The following ADGRG1 variants were observed in gnomAD, a reference collection of about 807,000 sequenced individuals.
The protein encoded by ADGRG1 is 7-transmembrane protein with no EGF-like N-terminal domains-1.
ADGRG1 carries 53 observed loss-of-function variants against 73.5 expected under a neutral mutation model. That is an observed-to-expected ratio of 0.72 (90% CI 0.58 to 0.91). ADGRG1 has a LOEUF of 0.91. Ranked by LOEUF, ADGRG1 falls within the 40% of genes least tolerant of loss-of-function variation. The probability of loss-of-function intolerance (pLI) is 0.00; values close to 1 mark genes in which losing one functional copy is unlikely to be tolerated. For missense variants in ADGRG1, 795 were observed against 871.8 expected, an observed-to-expected ratio of 0.91 and a Z score of 1.11; for synonymous variants, 394 against 374.4, an observed-to-expected ratio of 1.05 and a Z score of -0.60.
rs2148671622 is a variant in ADGRG1 at position 57,664,425 on chromosome 16, T to C, written c.*843T>C. Reference sequence around the variant, plus strand: ...TGTCCATCTGGGCCTTTGTATGAGCTGCATTGCCCTTGCTCACCCTGACCA... The same window carrying C: ...TGTCCATCTGGGCCTTTGTATGAGCCGCATTGCCCTTGCTCACCCTGACCA... On this transcript the variant is annotated 3_prime_UTR_variant, in exon 14 of 14. Transcript: ENST00000562631. The C allele has an allele frequency of 6.6e-6, 1 of 152,492 alleles. No individual in the cohort carries two copies. The allele number at this position is 152,492 out of a possible 1,614,324, so 9.4% of individuals were successfully genotyped here. A position where few individuals can be genotyped will look rare whatever the true frequency, so the allele number is the denominator to read the frequency against.
chr16:57,629,123 G>C (rs1329905998), intron 1 of ADGRG1: 21 of 969,240 alleles, frequency 2.2e-5, no homozygotes, highest in Non-Finnish European at 2.6e-5. Context: ...TCCGTGCACG[G>C]GTGGCTGTTG....
At chr16:57,634,697 G>A (rs1054220698) in intron 1 of ADGRG1, 39 of 175,026 alleles carry the variant, frequency 2.2e-4, no homozygotes, top group African/African-American at 8.6e-4. Context: ...AGGTGTTCAA[G>A]TGTGGCAGGG....
upstream of ADGRG1, chr16:57,624,677 A>C (rs2035497459): frequency 1.0e-6 from 1 of 977,904 alleles, no homozygotes; most frequent in South Asian, 4.7e-5. Context: ...TCCCAGCCCC[A>C]CCATGTCTTC....
intron 1 of ADGRG1, chr16:57,634,278 C>T: frequency 2.0e-6 from 2 of 985,354 alleles, no homozygotes; most frequent in Non-Finnish European, 2.4e-6. Flanking sequence ...GGTCAGACAA[C>T]TGCCCAGACC....
chr16:57,659,346 G>A (rs767031480), intron 10 of ADGRG1, 67 bp from the exon 11 acceptor site: 4 of 1,610,292 alleles, frequency 2.5e-6, no homozygotes, highest in Non-Finnish European at 3.4e-6. Flanking sequence ...GCTTCCTGGA[G>A]GAGATGTGGG....
intron 1 of ADGRG1, chr16:57,629,288 C>T (rs572124770): frequency 1.5e-4 from 68 of 439,222 alleles, no homozygotes; most frequent in Non-Finnish European, 2.0e-4. Flanking sequence ...CCAAGGGGAG[C>T]GACACCTCCC....
In ADGRG1 at chr16:57,635,452, TG is replaced by T. The variant is rs549544444; in HGVS notation, c.-36+6655del. The T allele has an allele frequency of 7.3e-5, 72 of 985,336 alleles. 1 individual carries two copies. The African/African-American group carries it at 1.2e-3, about 16-fold the overall frequency. 61.0% of individuals were successfully genotyped at this position (985,336 alleles called of 1,614,324 possible). On this transcript the variant is annotated intron_variant, in intron 1 of 13. Transcript: ENST00000562631. ...AGTGCAGCACCCTTGCCAGCCATGG[TG>T]GGGGAGGACAGCCAGTGTCTCTTCA...
At position 57,637,222 on chromosome 16, in the gene ADGRG1, G is replaced by A. The variant is rs988120583; in HGVS notation, c.-36+8420G>A. ...CTCAGTTCTCTGACTTACAAAATGA[G>A]CTTCATCATTTCAGTCCCCGCCCCG... On this transcript the variant is annotated intron_variant, in intron 1 of 13. Coordinates refer to ENST00000562631, the MANE Select transcript of ADGRG1 (RefSeq NM_201525.4). 3.3e-5 allele frequency: 22 copies of A among 661,792 alleles called. No homozygotes were observed. In the South Asian group the frequency reaches 1.3e-3, roughly 40 times the overall value. 41.0% of individuals were successfully genotyped at this position (661,792 alleles called of 1,614,324 possible). A position where few individuals can be genotyped will look rare whatever the true frequency, so the allele number is the denominator to read the frequency against.
chr16:57,650,386 A>G, intron 2 of ADGRG1, 35 bp downstream of exon 2: 1 of 1,608,534 alleles, frequency 6.2e-7, no homozygotes. Flanking sequence ...GGCTGTTGGA[A>G]CTTACGTTAA....
chr16:57,636,590 C>G, intron 1 of ADGRG1: 1 of 985,042 alleles, frequency 1.0e-6, no homozygotes, highest in Non-Finnish European at 1.2e-6. Flanking sequence ...GCCTGAGTGG[C>G]ACTTTTGGGT....
At chr16:57,623,252 T>C (rs1217634518), upstream of ADGRG1, 2 of 984,702 alleles carry the variant, frequency 2.0e-6, no homozygotes. Context: ...GTGGGGTGGA[T>C]AGAGGCCAGT....
At chr16:57,629,061 A>AGT (rs140786960) in intron 1 of ADGRG1, 69,134 of 503,374 alleles carry the variant, frequency 0.14, 7,638 homozygotes, top group African/African-American at 0.27. Context: ...TGTGAGTATG[A>AGT]GTGTGAGTGT....
chr16:57,624,343 A>G (rs904348052), upstream of ADGRG1: 8 of 162,666 alleles, frequency 4.9e-5, no homozygotes, highest in Non-Finnish European at 1.0e-4. Context: ...CTCCAAAAAA[A>G]TACAAAAGTT....
rs2034825019 is a variant in ADGRG1, at chr16:57,621,560, CTG to C, written c.-154+168_-154+169del. ...AGATCAAAGCTGACCTCCAGGAACA[CTG>C]TGGCATCGAGTGAGATGATACACAG... is the stretch of plus-strand genomic sequence containing the variant. On this transcript the variant is annotated intron_variant, in intron 2 of 4. Transcript: ENST00000561833. 2 of 152,330 alleles carry C rather than the reference CTG, an allele frequency of 1.3e-5. 1 individual carries two copies. Among genetic ancestry groups the C allele is most frequent in the South Asian group, 4.1e-4 (2 of 4,836 alleles). 9.4% of individuals were successfully genotyped at this position (152,330 alleles called of 1,614,324 possible).
In ADGRG1 at chr16:57,635,807, A is replaced by G. The variant is rs764294722; in HGVS notation, c.-36+7005A>G. 62 of 985,338 alleles carry G rather than the reference A, an allele frequency of 6.3e-5. No individual in the cohort carries two copies. In the Middle Eastern group the frequency reaches 1.6e-3, roughly 25 times the overall value. 61.0% of individuals were successfully genotyped at this position (985,338 alleles called of 1,614,324 possible). On this transcript the variant is annotated intron_variant, in intron 1 of 13. Transcript: ENST00000562631. ...GAGTGCACCATGCTCCTTTGGATCC[A>G]GTTTTACGAGCTCTGTGTCCCTGGG... is the stretch of plus-strand genomic sequence containing the variant.
chr16:57,646,504 G>A, intron 1 of ADGRG1: 4 of 985,430 alleles, frequency 4.1e-6, no homozygotes, highest in Non-Finnish European at 4.8e-6. Context: ...GAAGGTCTGA[G>A]GTCAAGGGCG....
intron 1 of ADGRG1, chr16:57,646,419 T>C (rs1342026992): frequency 1.0e-6 from 1 of 985,466 alleles, no homozygotes; most frequent in East Asian, 1.1e-4. Context: ...CTCTGCTGGA[T>C]CCTTGGGGAA....
chr16:57,647,403 C>A (rs1488082393), intron 1 of ADGRG1: 2 of 984,896 alleles, frequency 2.0e-6, no homozygotes, highest in Non-Finnish European at 2.4e-6. Flanking sequence ...GTGACAGGCC[C>A]AGGGGGCTGA....
intron 13 of ADGRG1, chr16:57,662,992 T>C (rs1240327769): frequency 2.0e-6 from 2 of 984,924 alleles, no homozygotes; most frequent in Non-Finnish European, 2.4e-6. Context: ...CATTCCTGCC[T>C]GTGAGATGAG....
Sources: allele counts gnomAD v4.1 joint callset, GRCh38; gene constraint gnomAD v4.1.1; transcripts MANE v1.5; gene names NCBI Gene and HGNC (gene_info 2026-07-23, HGNC 2026-07-21).